Variants in KCNQ1OT1 observed in about 807,000 individuals in gnomAD.
KCNQ1OT1 encodes the protein KCNQ1 antisense RNA 2 (non-protein coding).
At position 2,661,310 on chromosome 11, in the gene KCNQ1OT1, G is replaced by A. The variant is rs1849952025; in HGVS notation, n.38685C>T. 1 of 401,486 alleles carries A rather than the reference G, an allele frequency of 2.5e-6. No homozygotes were observed. The highest frequency in any genetic ancestry group is 4.4e-6 in the Non-Finnish European group (1 of 227,758). The allele number at this position is 401,486 out of a possible 1,614,324, so 24.9% of individuals were successfully genotyped here. On this transcript the variant is annotated non_coding_transcript_exon_variant, in exon 1 of 1. Coordinates refer to ENST00000597346, the Ensembl canonical transcript of KCNQ1OT1. This position sits in a 1 kb window ranked among gnomAD's most constrained non-coding sequence, Gnocchi z 5.9. ...AATACTGATAGTGTCAACAGAGAGT[G>A]GGGAGTGATAAGGATCAGTATCCTG... is the stretch of plus-strand genomic sequence containing the variant.
Position 2,671,847 on chromosome 11 carries a change from C to T in KCNQ1OT1, n.28148G>A. On this transcript the variant is annotated non_coding_transcript_exon_variant, in exon 1 of 1. Coordinates refer to ENST00000597346, the Ensembl canonical transcript of KCNQ1OT1. The surrounding 1 kb of genome is among the most constrained non-coding windows in gnomAD (Gnocchi z 4.7). Reference sequence around the variant, plus strand: ...CACTGTGGTTATAGGTCTGAGCCTTCTGCCCCAGGGAGCCAAGCCCTGGAG... The same window carrying T: ...CACTGTGGTTATAGGTCTGAGCCTTTTGCCCCAGGGAGCCAAGCCCTGGAG... The T allele has an allele frequency of 5.0e-6, 2 of 398,742 alleles. No individual in the cohort carries two copies. The highest frequency in any genetic ancestry group is 8.8e-6 in the Non-Finnish European group (2 of 226,128). 24.7% of individuals were successfully genotyped at this position (398,742 alleles called of 1,614,324 possible). A position where few individuals can be genotyped will look rare whatever the true frequency, so the allele number is the denominator to read the frequency against.
At chr11:2,628,689 C>G (rs1318418781) in exon 1 of KCNQ1OT1, 4 of 398,150 alleles carry the variant, frequency 1.0e-5, no homozygotes, top group Admixed American at 4.4e-5. Context: ...CTTTTGATGT[C>G]ACATCTAAAA....
chr11:2,699,918 C>T, exon 1 of KCNQ1OT1: 2 of 398,396 alleles, frequency 5.0e-6, no homozygotes, highest in Non-Finnish European at 4.4e-6. Context: ...GGCAGAATCG[C>T]GCTGAGGGGC....
chr11:2,632,964 C>T (rs1478473263), exon 1 of KCNQ1OT1: 2 of 398,282 alleles, frequency 5.0e-6, no homozygotes, highest in Non-Finnish European at 8.8e-6. Context: ...GTATGATAGT[C>T]TACTTTTAGT....
At chr11:2,688,327 A>C (rs2133888940) in exon 1 of KCNQ1OT1, 2 of 398,820 alleles carry the variant, frequency 5.0e-6, no homozygotes, top group East Asian at 7.1e-5. Context: ...TCACACACAC[A>C]GCTTCCATGG....
At chr11:2,686,815 G>A (rs927229447) in exon 1 of KCNQ1OT1, 30 of 398,644 alleles carry the variant, frequency 7.5e-5, no homozygotes, top group African/African-American at 6.2e-4. Context: ...CACCCCTAAA[G>A]AGCAGCACAA....
chr11:2,630,624 A>G (rs1849337548), exon 1 of KCNQ1OT1: 1 of 398,330 alleles, frequency 2.5e-6, no homozygotes, highest in East Asian at 3.6e-5. Flanking sequence ...ATATACTACC[A>G]TTACACTATT....
exon 1 of KCNQ1OT1, chr11:2,686,321 C>A: frequency 7.5e-6 from 3 of 398,696 alleles, no homozygotes; most frequent in Non-Finnish European, 1.3e-5. Flanking sequence ...GTCACCTGGC[C>A]CGTCCCACCT....
exon 1 of KCNQ1OT1, chr11:2,662,670 C>G (rs1220634469): frequency 2.5e-6 from 1 of 405,100 alleles, no homozygotes; most frequent in African/African-American, 2.1e-5. Context: ...ATGTGACTCC[C>G]CGCTGGGGTG....
rs1849764163 is a variant in KCNQ1OT1 at position 2,651,996 on chromosome 11, G to T, written n.47999C>A. On this transcript the variant is annotated non_coding_transcript_exon_variant, in exon 1 of 1. Coordinates refer to ENST00000597346, the Ensembl canonical transcript of KCNQ1OT1. This position sits in a 1 kb window ranked among gnomAD's most constrained non-coding sequence, Gnocchi z 6.1. ...GAGTTGATTACTTTTGACATCAGTT[G>T]TTAACATAATTTTGATGTTGAGCCT... The T allele has an allele frequency of 2.5e-6, 1 of 398,678 alleles. No individual in the cohort carries two copies. The highest frequency in any genetic ancestry group is 4.4e-6 in the Non-Finnish European group (1 of 226,098). The allele number at this position is 398,678 out of a possible 1,614,324, so 24.7% of individuals were successfully genotyped here. A position where few individuals can be genotyped will look rare whatever the true frequency, so the allele number is the denominator to read the frequency against.
At position 2,661,605 on chromosome 11, in the gene KCNQ1OT1, T is replaced by C; in HGVS notation, n.38390A>G. 1 of 580,856 alleles carries C rather than the reference T, an allele frequency of 1.7e-6. No homozygotes were observed. Among genetic ancestry groups the C allele is most frequent in the Non-Finnish European group, 3.1e-6 (1 of 326,346 alleles). The allele number at this position is 580,856 out of a possible 1,614,324, so 36.0% of individuals were successfully genotyped here. A position where few individuals can be genotyped will look rare whatever the true frequency, so the allele number is the denominator to read the frequency against. On this transcript the variant is annotated non_coding_transcript_exon_variant, in exon 1 of 1. Coordinates refer to ENST00000597346, the Ensembl canonical transcript of KCNQ1OT1. The surrounding 1 kb of genome is among the most constrained non-coding windows in gnomAD (Gnocchi z 5.9). ...GAGCTGTTGTCCCTTACCAGGCCTGTGCCTGTCACCTCTGTTTTATTCTTG... is the reference window on the plus strand; with the variant it reads ...GAGCTGTTGTCCCTTACCAGGCCTGCGCCTGTCACCTCTGTTTTATTCTTG...
rs779536473 is a variant in KCNQ1OT1, at chr11:2,611,513, A to G, written n.88482T>C. The G allele has an allele frequency of 1.1e-4, 42 of 398,260 alleles. No individual in the cohort carries two copies. The highest frequency in any genetic ancestry group is 1.6e-4 in the Non-Finnish European group (37 of 226,050). The allele number at this position is 398,260 out of a possible 1,614,324, so 24.7% of individuals were successfully genotyped here. A position where few individuals can be genotyped will look rare whatever the true frequency, so the allele number is the denominator to read the frequency against. On this transcript the variant is annotated non_coding_transcript_exon_variant, in exon 1 of 1. Transcript: ENST00000597346. This position sits in a 1 kb window ranked among gnomAD's most constrained non-coding sequence, Gnocchi z 5.3. ...AGGTGTGAGCCACTGCACCCAGCCA[A>G]TTTTGTCTGATTTTAGTACAGTCAC...
chr11:2,699,289 C>T (rs1850731250), exon 1 of KCNQ1OT1: 2 of 399,020 alleles, frequency 5.0e-6, no homozygotes, highest in East Asian at 7.1e-5. Context: ...GCACTGCTGA[C>T]GCCTGTGATC....
exon 1 of KCNQ1OT1, chr11:2,656,008 A>C: frequency 2.5e-6 from 1 of 398,556 alleles, no homozygotes; most frequent in Non-Finnish European, 4.4e-6. Context: ...AATTTCCTAA[A>C]ACACCAGGAC....
At chr11:2,675,415 A>C in exon 1 of KCNQ1OT1, 1 of 398,676 alleles carries the variant, frequency 2.5e-6, no homozygotes, top group Non-Finnish European at 4.4e-6. Context: ...ATTGAAAAAT[A>C]TATTGTCATT....
In KCNQ1OT1 at chr11:2,647,618, G is replaced by C. The variant is rs140861756; in HGVS notation, n.52377C>G. ...TTTGGTAGAATTCAGTAGAAAACCC[G>C]TGCAATCCTGAGGTTTTCTTTACTG... On this transcript the variant is annotated non_coding_transcript_exon_variant, in exon 1 of 1. Transcript: ENST00000597346. The surrounding 1 kb of genome is among the most constrained non-coding windows in gnomAD (Gnocchi z 4.0). The C allele has an allele frequency of 7.5e-6, 3 of 398,370 alleles. No individual in the cohort carries two copies. The highest frequency in any genetic ancestry group is 1.3e-5 in the Non-Finnish European group (3 of 226,026). The allele number at this position is 398,370 out of a possible 1,614,324, so 24.7% of individuals were successfully genotyped here. A position where few individuals can be genotyped will look rare whatever the true frequency, so the allele number is the denominator to read the frequency against.
chr11:2,699,617 G>GAACCACGCCGAAGAACCCCCGGGGAC (rs1564862544), exon 1 of KCNQ1OT1: 11 of 355,908 alleles, frequency 3.1e-5, no homozygotes, highest in African/African-American at 1.9e-4. Flanking sequence ...CCCCCGGAGA[G>GAACCACGCCGAAGAACCCCCGGGGAC]AACCGCGCCG....
exon 1 of KCNQ1OT1, chr11:2,667,349 T>C: frequency 2.5e-6 from 1 of 398,698 alleles, no homozygotes; most frequent in Non-Finnish European, 4.4e-6. Context: ...TCATTTCCTC[T>C]GCAAGGGAAA....
At chr11:2,629,529 G>A (rs1418855938) in exon 1 of KCNQ1OT1, 16 of 398,220 alleles carry the variant, frequency 4.0e-5, no homozygotes, top group Non-Finnish European at 6.2e-5. Flanking sequence ...TAAAGGTCTC[G>A]ACTTCATTCT....
Sources: allele counts gnomAD v4.1 joint callset, GRCh38; gene constraint gnomAD v4.1.1; non-coding constraint Gnocchi (gnomAD v3.1); transcripts MANE v1.5; gene names NCBI Gene and HGNC (gene_info 2026-07-23, HGNC 2026-07-21).